The following POLK variants were observed in gnomAD, a reference collection of about 807,000 sequenced individuals.
POLK encodes the protein polymerase (DNA directed) kappa.
POLK carries 76 observed loss-of-function variants against 94.0 expected under a neutral mutation model. The ratio of observed to expected loss-of-function variants is 0.81; its 90% CI spans 0.67 to 0.98. POLK has a LOEUF of 0.98. Ranked by LOEUF, POLK falls within the 50% of genes least tolerant of loss-of-function variation. The probability of loss-of-function intolerance (pLI) is 0.00; values close to 1 mark genes in which losing one functional copy is unlikely to be tolerated. For missense variants in POLK, 954 were observed against 1,010.1 expected (o/e 0.94, Z 0.75); for synonymous variants, 349 against 325.4 (o/e 1.07, Z -0.78).
upstream of POLK, among the ~76,000 whole-genome samples, chr5:75,510,821 A>C (rs1767925171): frequency 6.6e-6 from 1 of 151,872 alleles, no homozygotes; most frequent in African/African-American, 2.4e-5. Context: ...GATTCCTTAC[A>C]CCCGGGACAG....
At chr5:75,561,808 G>A (rs984579920) in intron 3 of POLK, among the ~76,000 whole-genome samples, 85 of 152,278 alleles carry the variant, frequency 5.6e-4, no homozygotes, top group African/African-American at 2.0e-3. Context: ...TCAAAGATCA[G>A]ATGGTTGTAG....
intron 9 of POLK, among the ~76,000 whole-genome samples, chr5:75,585,510 G>A (rs933356449): frequency 6.6e-6 from 1 of 152,122 alleles, no homozygotes; most frequent in African/African-American, 2.4e-5. Flanking sequence ...TATAGAAAAT[G>A]ACTGGGGGGT....
At chr5:75,597,431 C>A in intron 13 of POLK, 2 of 428,320 alleles carry the variant, frequency 4.7e-6, no homozygotes, top group South Asian at 1.0e-4. Context: ...GCTGAGTGAT[C>A]TAATCAAACA....
intron 3 of POLK, among the ~76,000 whole-genome samples, chr5:75,561,545 A>C (rs911342113): frequency 2.0e-4 from 30 of 152,000 alleles, no homozygotes; most frequent in Admixed American, 1.3e-3. Flanking sequence ...CTTTTGTTGC[A>C]ATTGCTTTCA....
At chr5:75,575,538 C>T (rs1012653399) in intron 5 of POLK, among the ~76,000 whole-genome samples, 5 of 152,088 alleles carry the variant, frequency 3.3e-5, no homozygotes, top group African/African-American at 9.7e-5. Flanking sequence ...TTTACTGGAA[C>T]GTCTCTTTTA....
At chr5:75,512,511 A>G (rs1181558326) in intron 1 of POLK, 3 of 152,244 alleles carry the variant, frequency 2.0e-5, no homozygotes, top group African/African-American at 7.2e-5. Context: ...GGTTGGATAT[A>G]TAGAAACTTT....
At chr5:75,567,619 T>C (rs1452712736) in intron 3 of POLK, among the ~76,000 whole-genome samples, 1 of 152,210 alleles carries the variant, frequency 6.6e-6, no homozygotes, top group Non-Finnish European at 1.5e-5. Flanking sequence ...GAGAAAATAA[T>C]TTGAAATCAG....
chr5:75,546,254 A>G (rs2112631144), intron 1 of POLK, among the ~76,000 whole-genome samples: 1 of 152,326 alleles, frequency 6.6e-6, no homozygotes, highest in African/African-American at 2.4e-5. Context: ...GAGAAAGGAA[A>G]ATGTTATTAA....
chr5:75,602,286 C>T (rs144320360), downstream of POLK, among the ~76,000 whole-genome samples: 2 of 152,306 alleles, frequency 1.3e-5, no homozygotes, highest in African/African-American at 4.8e-5. Flanking sequence ...CCCAGGGCTT[C>T]AGCCATTCAA....
At chr5:75,540,570 A>G (rs913215180) in intron 1 of POLK, among the ~76,000 whole-genome samples, 2 of 152,162 alleles carry the variant, frequency 1.3e-5, no homozygotes, top group African/African-American at 4.8e-5. Flanking sequence ...AAGTGCTGTA[A>G]TCACAACCCT....
chr5:75,590,712 C>T (rs563916706), intron 11 of POLK, among the ~76,000 whole-genome samples: 1 of 152,234 alleles, frequency 6.6e-6, no homozygotes, highest in East Asian at 1.9e-4. Flanking sequence ...CTCAGGAGTA[C>T]ATTTGAATAA....
chr5:75,589,681 C>A (rs1772676748), intron 10 of POLK, among the ~76,000 whole-genome samples: 1 of 152,116 alleles, frequency 6.6e-6, no homozygotes, highest in African/African-American at 2.4e-5. Flanking sequence ...AACTGAGTAG[C>A]TGAGGATAAG....
exon 1 of POLK, chr5:75,511,857 G>T (rs1305100650): frequency 1.3e-5 from 20 of 1,536,340 alleles, no homozygotes; most frequent in African/African-American, 2.8e-5. Flanking sequence ...TGGGAAGGGC[G>T]TTGGTCCGTC....
At chr5:75,591,706 A>G (rs1365761939) in intron 11 of POLK, among the ~76,000 whole-genome samples, 2 of 152,124 alleles carry the variant, frequency 1.3e-5, no homozygotes, top group African/African-American at 2.4e-5. Flanking sequence ...GGTCTGTGAT[A>G]GTTTCTTAGT....
exon 10 of POLK, chr5:75,587,051 G>A (rs138877411): frequency 1.5e-5 from 23 of 1,527,164 alleles, no homozygotes; most frequent in South Asian, 1.1e-4. Context: ...AAGTATGAGC[G>A]TTGAGAGGTA....
chr5:75,511,617 T>G (rs1369336301), upstream of POLK: 10 of 1,474,986 alleles, frequency 6.8e-6, no homozygotes, highest in South Asian at 1.1e-4. Context: ...TCTTCCTGCC[T>G]GGCCCACTAT....
At position 75,583,274 on chromosome 5, in the gene POLK, A is replaced by G. The variant is rs781291187; in HGVS notation, c.935-19A>G. 1 of 1,560,972 alleles carries G rather than the reference A, an allele frequency of 6.4e-7. No individual in the cohort carries two copies. ...TACATATCAACTTCTTTGAGTCATC[A>G]GAGTATTCTTCTTTTAAGGCATTGC... On this transcript the variant is annotated intron_variant, in intron 7 of 14. Coordinates refer to ENST00000241436, the Ensembl canonical transcript of POLK.
At chr5:75,582,289 T>C (rs770406776) in intron 7 of POLK, 17 of 196,610 alleles carry the variant, frequency 8.6e-5, no homozygotes, top group Admixed American at 6.5e-5. Context: ...AAAAGCCATA[T>C]TGTGATTAGG....
At chr5:75,564,179 G>A (rs1188130101) in intron 3 of POLK, among the ~76,000 whole-genome samples, 1 of 151,936 alleles carries the variant, frequency 6.6e-6, no homozygotes, top group South Asian at 2.1e-4. Context: ...CATCTTTGTT[G>A]GTTTAAAATC....
Sources: allele counts gnomAD v4.1 joint callset (sites outside exome capture counted in the v4.1 genomes callset), GRCh38; gene constraint gnomAD v4.1.1; transcripts MANE v1.5; gene names NCBI Gene and HGNC (gene_info 2026-07-23, HGNC 2026-07-21).